The following NPL variants were observed in gnomAD, a reference collection of about 807,000 sequenced individuals.
NPL encodes the protein N-acetylneuraminate pyruvate lyase.
NPL carries 32 observed loss-of-function variants against 41.1 expected under a neutral mutation model. That is an observed-to-expected ratio of 0.78 (90% confidence interval 0.59 to 1.05). The LOEUF (loss-of-function observed/expected upper bound fraction) is 1.05, where lower values mean the gene tolerates loss of function less well. Ranked by LOEUF, NPL falls within the 50% of genes least tolerant of loss-of-function variation. The pLI, the probability that NPL is intolerant of heterozygous loss-of-function variation, is 0.00. For synonymous variants in NPL, 128 were observed against 134.9 expected, an observed-to-expected ratio of 0.95 and a Z score of 0.35; for missense variants, 321 against 378.4, an observed-to-expected ratio of 0.85 and a Z score of 1.26.
intron 5 of NPL, 83 bp from the exon 6 acceptor site, chr1:182,812,073 A>G: frequency 7.2e-7 from 1 of 1,384,478 alleles, no homozygotes; most frequent in Non-Finnish European, 1.0e-6. Flanking sequence ...GTTAACTGCT[A>G]AAATCAGCAC....
At position 182,800,716 on chromosome 1, in the gene NPL, T is replaced by C. The variant is rs1468658098; in HGVS notation, c.69-2982T>C. 2.0e-5 allele frequency among the ~76,000 whole-genome samples: 3 copies of C among 149,222 alleles called. No individual in the cohort carries two copies. The East Asian group carries it at 5.9e-4, about 29-fold the overall frequency. On this transcript the variant is annotated intron_variant, in intron 3 of 12. Transcript: ENST00000367553. ...TCTAATTTCCAGCTGTATGGAAATG[T>C]AGCCCTGGCTTTTTTTTTTTTTTTT...
chr1:182,808,780 C>T (rs1667093763), intron 5 of NPL, among the ~76,000 whole-genome samples: 1 of 151,896 alleles, frequency 6.6e-6, no homozygotes, highest in Non-Finnish European at 1.5e-5. Flanking sequence ...CATACAGAGA[C>T]CCTGTCTCTA....
intron 4 of NPL, 78 bp from the exon 5 acceptor site, chr1:182,806,067 G>C: frequency 6.5e-7 from 1 of 1,543,108 alleles, no homozygotes; most frequent in Non-Finnish European, 8.9e-7. Context: ...AGTGGTTTCT[G>C]ACCCTGCACT....
chr1:182,817,697 C>A (rs1667371828), intron 8 of NPL, among the ~76,000 whole-genome samples: 1 of 152,206 alleles, frequency 6.6e-6, no homozygotes, highest in Non-Finnish European at 1.5e-5. Context: ...TGTGCTACAG[C>A]AGTTTACAGA....
At chr1:182,805,647 C>T (rs1666983498) in intron 4 of NPL, among the ~76,000 whole-genome samples, 1 of 152,110 alleles carries the variant, frequency 6.6e-6, no homozygotes, top group East Asian at 1.9e-4. Flanking sequence ...ATATTAATAT[C>T]CTTTGTGCTT....
At chr1:182,817,353 G>T (rs1324717335) in intron 8 of NPL, among the ~76,000 whole-genome samples, 1 of 152,058 alleles carries the variant, frequency 6.6e-6, no homozygotes, top group African/African-American at 2.4e-5. Flanking sequence ...ACATTCTGAG[G>T]AAAAAAACGA....
chr1:182,803,296 A>G (rs1416345855), intron 3 of NPL, among the ~76,000 whole-genome samples: 3 of 152,306 alleles, frequency 2.0e-5, no homozygotes, highest in South Asian at 2.1e-4. Flanking sequence ...TCAAATGGCA[A>G]ATGTTAAGTT....
intron 6 of NPL, among the ~76,000 whole-genome samples, chr1:182,814,133 G>A (rs1309984210): frequency 6.6e-6 from 1 of 152,200 alleles, no homozygotes. Flanking sequence ...GGACTCAAGG[G>A]TAAGCAAGAT....
chr1:182,813,016 G>T (rs1030756565), intron 6 of NPL, among the ~76,000 whole-genome samples: 5 of 152,040 alleles, frequency 3.3e-5, no homozygotes, highest in African/African-American at 1.2e-4. Context: ...AGCCAGGCAT[G>T]GTGGTGGGCG....
intron 11 of NPL, among the ~76,000 whole-genome samples, chr1:182,823,943 C>T (rs1667559572): frequency 2.0e-5 from 3 of 152,282 alleles, no homozygotes; most frequent in Non-Finnish European, 4.4e-5. Context: ...CTTAAGAAAG[C>T]ACGTGTGAGT....
chr1:182,821,989 G>A (rs1259825886), intron 10 of NPL, 126 bp from the exon 11 acceptor site: 1 of 724,656 alleles, frequency 1.4e-6, no homozygotes, highest in African/African-American at 1.8e-5. Flanking sequence ...TAATAGATTA[G>A]GATTCAAAAA....
chr1:182,806,617 C>G (rs952608905), intron 5 of NPL: 13 of 1,422,912 alleles, frequency 9.1e-6, no homozygotes, highest in Non-Finnish European at 9.4e-6. Context: ...TTGGGATGAG[C>G]GCCTGATGCT....
Position 182,814,809 on chromosome 1 carries a change from T to G in NPL, c.315T>G (p.Ala105=), listed in dbSNP as rs963679376. 1.2e-5 allele frequency: 20 copies of G among 1,614,010 alleles called. No individual in the cohort carries two copies. Among genetic ancestry groups the G allele is most frequent in the Non-Finnish European group, 1.5e-5 (18 of 1,179,976 alleles). Reference sequence around the variant, plus strand: ...CCCAACATGCAGCAGAAATAGGAGCTGATGGCATCGCTGTCATTGCACCGT... The same window carrying G: ...CCCAACATGCAGCAGAAATAGGAGCGGATGGCATCGCTGTCATTGCACCGT... ...ELAQHAAEIG[A]DGIAVIAPFF... Residue 105 remains alanine, a synonymous_variant, in exon 7 of 13, where the codon GCT becomes GCG. Transcript: ENST00000367553.
intron 2 of NPL, among the ~76,000 whole-genome samples, chr1:182,793,010 T>A (rs1395041055): frequency 1.3e-5 from 2 of 152,250 alleles, no homozygotes; most frequent in Non-Finnish European, 2.9e-5. Context: ...GCCAGTAATG[T>A]CAGAACTATA....
At chr1:182,797,466 C>T (rs1424552205) in intron 3 of NPL, among the ~76,000 whole-genome samples, 1 of 152,180 alleles carries the variant, frequency 6.6e-6, no homozygotes, top group African/African-American at 2.4e-5. Flanking sequence ...AAGATTAAAG[C>T]CCAGACTCCC....
At chr1:182,799,026 C>T (rs1171325382) in intron 3 of NPL, among the ~76,000 whole-genome samples, 1 of 152,224 alleles carries the variant, frequency 6.6e-6, no homozygotes, top group Admixed American at 6.5e-5. Flanking sequence ...ATAGCCTGTC[C>T]TGTGGATTCT....
chr1:182,802,792 C>G (rs375405585), intron 3 of NPL, among the ~76,000 whole-genome samples: 4 of 152,196 alleles, frequency 2.6e-5, no homozygotes, highest in African/African-American at 9.6e-5. Flanking sequence ...GAGATCTTAA[C>G]CTTAAGCATC....
At chr1:182,797,078 T>C (rs1666694527) in intron 3 of NPL, among the ~76,000 whole-genome samples, 1 of 151,164 alleles carries the variant, frequency 6.6e-6, no homozygotes, top group African/African-American at 2.4e-5. Context: ...CAAAGGAAGT[T>C]CAACCACATT....
intron 3 of NPL, among the ~76,000 whole-genome samples, chr1:182,795,264 C>T (rs192655342): frequency 1.3e-3 from 199 of 152,250 alleles, no homozygotes; most frequent in African/African-American, 4.4e-3. Context: ...TTAAGCTTCT[C>T]CTTTCTTTCT....
Sources: gnomAD v4.1 joint callset for allele counts (sites outside exome capture counted in the v4.1 genomes callset) on GRCh38, gnomAD v4.1.1 for gene constraint, MANE v1.5 for transcripts, NCBI Gene and HGNC (gene_info 2026-07-23, HGNC 2026-07-21) for gene names.